The following PTPRM variants were observed in gnomAD, a reference collection of about 807,000 sequenced individuals.
The protein encoded by PTPRM is receptor-type tyrosine-protein phosphatase mu.
In PTPRM, 47 loss-of-function variants were observed where a neutral mutation model predicts 186.7. That is an observed-to-expected ratio of 0.25 (90% confidence interval 0.20 to 0.32). The LOEUF is 0.32. PTPRM is among the 10% of genes least tolerant of loss of function. The probability of loss-of-function intolerance (pLI) is 1.00; values close to 1 mark genes in which losing one functional copy is unlikely to be tolerated. For synonymous variants in PTPRM, 668 were observed against 674.9 expected, an observed-to-expected ratio of 0.99 and a Z score of 0.16; for missense variants, 1,494 against 1,865.0, an observed-to-expected ratio of 0.80 and a Z score of 3.66.
At chr18:8,318,042 CA>C (rs2095321784) in intron 21 of PTPRM, among the ~76,000 whole-genome samples, 1 of 152,048 alleles carries the variant, frequency 6.6e-6, no homozygotes, top group African/African-American at 2.4e-5. Context: ...TCATTGTTTT[CA>C]ACTTGTTTTT....
chr18:8,172,963 C>T (rs2093427046), intron 14 of PTPRM, among the ~76,000 whole-genome samples: 1 of 152,140 alleles, frequency 6.6e-6, no homozygotes, highest in African/African-American at 2.4e-5. Context: ...TACACACAAA[C>T]ACATATGTTT....
At chr18:8,052,322 A>C (rs1174021676) in intron 7 of PTPRM, among the ~76,000 whole-genome samples, 1 of 152,164 alleles carries the variant, frequency 6.6e-6, no homozygotes, top group Non-Finnish European at 1.5e-5. Context: ...TGTGTTGCAT[A>C]ATGACATTTT....
intron 2 of PTPRM, among the ~76,000 whole-genome samples, chr18:7,792,870 GC>G (rs964587202): frequency 6.6e-6 from 1 of 151,954 alleles, no homozygotes; most frequent in African/African-American, 2.4e-5. Flanking sequence ...TTTCTGTGTT[GC>G]CCATGTTGTT....
At chr18:8,312,369 G>A (rs1464263930) in intron 20 of PTPRM, among the ~76,000 whole-genome samples, 3 of 152,120 alleles carry the variant, frequency 2.0e-5, no homozygotes, top group Non-Finnish European at 4.4e-5. Flanking sequence ...TGTGTCCTAG[G>A]AAATTGGTTC....
At chr18:7,774,383 GCAGT>G in intron 2 of PTPRM, 112 bp downstream of exon 2, 2 of 1,353,404 alleles carry the variant, frequency 1.5e-6, no homozygotes, top group Non-Finnish European at 2.0e-6. Context: ...TTTGGATGTG[GCAGT>G]CAAAGTTGGA....
intron 14 of PTPRM, among the ~76,000 whole-genome samples, chr18:8,198,769 T>C (rs1568505716): frequency 2.0e-5 from 3 of 152,158 alleles, no homozygotes; most frequent in Non-Finnish European, 2.9e-5. Flanking sequence ...CTAGATATGG[T>C]GGACATATTG....
chr18:8,138,864 G>A (rs538817269), intron 13 of PTPRM, among the ~76,000 whole-genome samples: 9 of 152,076 alleles, frequency 5.9e-5, no homozygotes, highest in East Asian at 5.8e-4. Context: ...AGACTGTTTC[G>A]TGATCCCTTT....
chr18:7,668,670 C>T lies in PTPRM; in HGVS notation c.73+100779C>T, dbSNP rs1438579534. On this transcript the variant is annotated intron_variant, in intron 1 of 32. Coordinates refer to ENST00000580170, the MANE Select transcript of PTPRM (RefSeq NM_001105244.2). The surrounding 1 kb of genome is among the most constrained non-coding windows in gnomAD (Gnocchi z 4.7). ...CTCCTGCCAGTGGGGCCTCTGCTGCCTCAGCTCCCTCCCTGGAGGCTGTAA... is the reference window on the plus strand; with the variant it reads ...CTCCTGCCAGTGGGGCCTCTGCTGCTTCAGCTCCCTCCCTGGAGGCTGTAA... 6.6e-6 allele frequency among the ~76,000 whole-genome samples: 1 copy of T among 152,118 alleles called. No individual in the cohort carries two copies. Among genetic ancestry groups the T allele is most frequent in the Non-Finnish European group, 1.5e-5 (1 of 68,030 alleles).
chr18:7,923,225 G>A (rs2050971804), intron 4 of PTPRM, among the ~76,000 whole-genome samples: 2 of 152,202 alleles, frequency 1.3e-5, no homozygotes, highest in Admixed American at 1.3e-4. Flanking sequence ...GACACCTTGT[G>A]TTAGAGACCT....
At chr18:8,139,364 A>G (rs997042922) in intron 13 of PTPRM, among the ~76,000 whole-genome samples, 13 of 152,256 alleles carry the variant, frequency 8.5e-5, no homozygotes, top group Admixed American at 6.5e-4. Context: ...CTGCACTGCT[A>G]CCTTCTCACT....
At chr18:7,818,690 G>A (rs930074552) in intron 2 of PTPRM, among the ~76,000 whole-genome samples, 1 of 152,184 alleles carries the variant, frequency 6.6e-6, no homozygotes, top group Non-Finnish European at 1.5e-5. Flanking sequence ...CAGAGTTGTG[G>A]TTGAAATTAA....
At chr18:8,328,779 A>T (rs1291517109) in intron 22 of PTPRM, among the ~76,000 whole-genome samples, 3 of 152,230 alleles carry the variant, frequency 2.0e-5, no homozygotes, top group African/African-American at 7.2e-5. Flanking sequence ...AGAGAGAATG[A>T]ACAATTGCAA....
chr18:7,699,366 C>T (rs1358608912), intron 1 of PTPRM, among the ~76,000 whole-genome samples: 1 of 152,078 alleles, frequency 6.6e-6, no homozygotes, highest in Non-Finnish European at 1.5e-5. Flanking sequence ...CATTTTCACT[C>T]TGTTAATGAT....
rs2094526657 is a variant in PTPRM at position 8,251,345 on chromosome 18, T to G, written c.2555-1143T>G. ...GAGGCACAGAGGGGAAACTAATTAA[T>G]GTTCCATTTATTTTAGTATAAAGAA... On this transcript the variant is annotated intron_variant, in intron 17 of 32. Transcript: ENST00000580170. Among the ~76,000 whole-genome samples, 7 of 152,354 alleles carry G rather than the reference T, an allele frequency of 4.6e-5. No individual in the cohort carries two copies. In the South Asian group the frequency reaches 1.4e-3, roughly 32 times the overall value.
rs1318982857 is a variant in PTPRM at position 8,344,474 on chromosome 18, A to ATATATATATATATATATATATC, written c.3054+955_3054+956insATATATATATATATATATATCT. The stretch of plus-strand genomic sequence containing the variant: ...TATATATATATATATATATATATAT[A>ATATATATATATATATATATATC]TCTAGCAAAAATGGCACATTAACCT... On this transcript the variant is annotated intron_variant, in intron 23 of 32. Coordinates refer to ENST00000580170, the MANE Select transcript of PTPRM (RefSeq NM_001105244.2). Among the ~76,000 whole-genome samples, 16 of 147,312 alleles carry ATATATATATATATATATATATC rather than the reference A, an allele frequency of 1.1e-4. 1 individual carries two copies. Among genetic ancestry groups the ATATATATATATATATATATATC allele is most frequent in the African/African-American group, 3.9e-4 (15 of 38,704 alleles).
intron 2 of PTPRM, among the ~76,000 whole-genome samples, chr18:7,847,451 G>A (rs903318955): frequency 1.3e-5 from 2 of 152,078 alleles, no homozygotes; most frequent in African/African-American, 4.8e-5. Flanking sequence ...ACAGGTGTGA[G>A]CCCCCATGCC....
chr18:8,174,561 T>C (rs1259385973), intron 14 of PTPRM, among the ~76,000 whole-genome samples: 5 of 152,176 alleles, frequency 3.3e-5, no homozygotes, highest in Non-Finnish European at 7.3e-5. Flanking sequence ...ACTGACCAAG[T>C]GTGGAGGATT....
intron 14 of PTPRM, among the ~76,000 whole-genome samples, chr18:8,151,363 G>T (rs1399975124): frequency 2.6e-5 from 4 of 151,868 alleles, no homozygotes; most frequent in African/African-American, 9.7e-5. Flanking sequence ...GACCACAGTG[G>T]CCTTGCTGAG....
chr18:7,758,984 A>G (rs956778988), intron 1 of PTPRM, among the ~76,000 whole-genome samples: 18 of 152,176 alleles, frequency 1.2e-4, no homozygotes, highest in African/African-American at 4.1e-4. Context: ...GTCTGTGATC[A>G]GGGATGTGTT....
Sources: gnomAD v4.1 joint callset for allele counts (sites outside exome capture counted in the v4.1 genomes callset) on GRCh38, gnomAD v4.1.1 for gene constraint, Gnocchi (gnomAD v3.1) non-coding constraint, MANE v1.5 for transcripts, NCBI Gene and HGNC (gene_info 2026-07-23, HGNC 2026-07-21) for gene names.